GC: variants seen among roughly 807,000 people sequenced by gnomAD.
GC encodes the protein GC vitamin D binding protein.
In GC, 43 loss-of-function variants were observed where a neutral mutation model predicts 56.7. The ratio of observed to expected loss-of-function variants is 0.76; its 90% CI spans 0.59 to 0.98. The LOEUF is 0.98. GC is among the 50% of genes least tolerant of loss of function. The probability of loss-of-function intolerance (pLI) is 0.00; values close to 1 mark genes in which losing one functional copy is unlikely to be tolerated. For synonymous variants in GC, 216 were observed against 202.7 expected (o/e 1.07, Z -0.56); for missense variants, 529 against 545.9 (o/e 0.97, Z 0.31).
intron 1 of GC, among the ~76,000 whole-genome samples, chr4:71,770,662 G>T (rs529197407): frequency 6.6e-6 from 1 of 152,126 alleles, no homozygotes; most frequent in Non-Finnish European, 1.5e-5. Flanking sequence ...AGCCTAGAGC[G>T]TAGGAGGAAG....
chr4:71,767,907 G>A (rs1403979123), intron 3 of GC, among the ~76,000 whole-genome samples: 6 of 151,804 alleles, frequency 4.0e-5, no homozygotes, highest in South Asian at 2.1e-4. Context: ...GAGAACATAC[G>A]ATATTTGGGT....
intron 1 of GC, among the ~76,000 whole-genome samples, chr4:71,794,511 A>T (rs918592133): frequency 1.3e-5 from 2 of 151,968 alleles, no homozygotes; most frequent in African/African-American, 2.4e-5. Context: ...TATCCCCTTT[A>T]TCATATTTTA....
At position 71,755,222 on chromosome 4, in the gene GC, G is replaced by T. The variant is rs184061554; in HGVS notation, c.1035-115C>A. 9.4e-5 allele frequency: 31 copies of T among 329,984 alleles called. No homozygotes were observed. The East Asian group carries it at 2.3e-3, about 25-fold the overall frequency. 20.4% of individuals were successfully genotyped at this position (329,984 alleles called of 1,614,324 possible). A position where few individuals can be genotyped will look rare whatever the true frequency, so the allele number is the denominator to read the frequency against. ...CTGTCACCCAGGTTGGAGTGAAGTG[G>T]TGCCATCTTGGCTCGCTGTAACCTC... is the stretch of plus-strand genomic sequence containing the variant. On this transcript the variant is annotated intron_variant, in intron 8 of 12. Coordinates refer to ENST00000273951, the MANE Select transcript of GC (RefSeq NM_000583.4).
chr4:71,791,886 A>G (rs931595869), intron 1 of GC, among the ~76,000 whole-genome samples: 8 of 152,036 alleles, frequency 5.3e-5, no homozygotes, highest in African/African-American at 1.5e-4. Context: ...TCATTGTTCA[A>G]TTCCCACCTA....
chr4:71,783,876 T>C, intron 1 of GC, 85 bp downstream of exon 1: 1 of 1,030,526 alleles, frequency 9.7e-7, no homozygotes, highest in Non-Finnish European at 1.4e-6. Context: ...TTCTGTTTCT[T>C]ACTTTTTATT....
Position 71,765,655 on chromosome 4 carries a change from G to T in GC, c.262-12C>A. On this transcript the variant is annotated splice_polypyrimidine_tract_variant and intron_variant, in intron 3 of 12. Transcript: ENST00000273951. ...GACAGTGCTGAGGTCTGGAGGAGAA[G>T]GAAAAAGGAAACTCATATATATATG... 2 of 1,532,794 alleles carry T rather than the reference G, an allele frequency of 1.3e-6. No homozygotes were observed. The highest frequency in any genetic ancestry group is 1.4e-5 in the African/African-American group (1 of 73,092). The allele number at this position is 1,532,794 out of a possible 1,614,324, so 94.9% of individuals were successfully genotyped here.
In GC at chr4:71,752,568, C is replaced by A; in HGVS notation, c.1345G>T (p.Ala449Ser). The A allele has an allele frequency of 1.2e-6, 2 of 1,613,570 alleles. No individual in the cohort carries two copies. Among genetic ancestry groups the A allele is most frequent in the Non-Finnish European group, 1.7e-6 (2 of 1,179,566 alleles). ...AKLVNKHSDF[A>S]SNCCSINSPP... Reference sequence around the variant, plus strand: ...GAGTTTATGGAACAGCAGTTGGAGGCAAAGTCTGAGTGCTTGTTAACCAGC... The same window carrying A: ...GAGTTTATGGAACAGCAGTTGGAGGAAAAGTCTGAGTGCTTGTTAACCAGC... The change falls in exon 11 of 13, where the codon GCC becomes TCC. Residue 449 changes from alanine (A) to serine (S), a missense_variant. Transcript: ENST00000273951.
Position 71,801,168 on chromosome 4 carries a change from G to A in GC, c.21+2758C>T, listed in dbSNP as rs577432587. Among the ~76,000 whole-genome samples, 6 of 152,222 alleles carry A rather than the reference G, an allele frequency of 3.9e-5. No individual in the cohort carries two copies. In the East Asian group the frequency reaches 1.2e-3, roughly 29 times the overall value. ...TAATCCAAATTTTTAAATGGGCAAA[G>A]GATCTGAATAGATATTTCTCTAGGG... On this transcript the variant is annotated intron_variant, in intron 1 of 13. Coordinates refer to the GC transcript ENST00000504199.
At chr4:71,754,352 T>C (rs1240970977) in intron 10 of GC, 59 bp downstream of exon 10, 4 of 792,986 alleles carry the variant, frequency 5.0e-6, no homozygotes, top group East Asian at 5.1e-5. Context: ...TTTCAATTCA[T>C]AGTACTATGA....
chr4:71,792,146 A>T (rs1281020297), intron 1 of GC, among the ~76,000 whole-genome samples: 1 of 152,222 alleles, frequency 6.6e-6, no homozygotes, highest in African/African-American at 2.4e-5. Flanking sequence ...GTGTCTTTAT[A>T]GTAGCATGAT....
At chr4:71,754,583 T>C (rs952711737) in intron 9 of GC, 75 bp from the exon 10 acceptor site, 5 of 799,584 alleles carry the variant, frequency 6.3e-6, no homozygotes, top group African/African-American at 5.2e-5. Context: ...TAAATCAAAA[T>C]TCCAAATATT....
At chr4:71,803,444 A>G (rs1348680477) in intron 1 of GC, among the ~76,000 whole-genome samples, 1 of 152,158 alleles carries the variant, frequency 6.6e-6, no homozygotes, top group Non-Finnish European at 1.5e-5. Context: ...TTAATGCATA[A>G]TCAATGATGA....
intron 1 of GC, among the ~76,000 whole-genome samples, chr4:71,801,248 G>T (rs1260660154): frequency 6.6e-6 from 1 of 152,184 alleles, no homozygotes. Context: ...TAGAGGTAAA[G>T]AAATGCAAAG....
At chr4:71,788,712 A>T (rs1742902091), upstream of GC, among the ~76,000 whole-genome samples, 1 of 151,580 alleles carries the variant, frequency 6.6e-6, no homozygotes, top group South Asian at 2.1e-4. Context: ...AGAAAGAATG[A>T]GAAAGAAAGA....
intron 1 of GC, among the ~76,000 whole-genome samples, chr4:71,801,864 C>G (rs1743261132): frequency 6.7e-6 from 1 of 149,916 alleles, no homozygotes; most frequent in Non-Finnish European, 1.5e-5. Flanking sequence ...TCTTTCCTTC[C>G]TTCCTATTTT....
rs60303754 is a variant in GC at position 71,769,668 on chromosome 4, G to A, written c.59-268C>T. Reference sequence around the variant, plus strand: ...AACGTAAGTGAGTCAAATGATACATGTCAACTAGTGAGTCAGAAGCTATTG... The same window carrying A: ...AACGTAAGTGAGTCAAATGATACATATCAACTAGTGAGTCAGAAGCTATTG... On this transcript the variant is annotated intron_variant, in intron 1 of 12. Coordinates refer to ENST00000273951, the MANE Select transcript of GC (RefSeq NM_000583.4). 8.1e-3 allele frequency: 2,733 copies of A among 336,272 alleles called. 61 individuals are homozygous for A. The highest frequency in any genetic ancestry group is 0.052 in the African/African-American group (2,472 of 47,904). 20.8% of individuals were successfully genotyped at this position (336,272 alleles called of 1,614,324 possible).
At chr4:71,779,245 G>A (rs222029) in intron 1 of GC, among the ~76,000 whole-genome samples, 112,115 of 151,784 alleles carry the variant, frequency 0.74, 43,299 homozygotes, top group South Asian at 0.88. Context: ...TTCTATATTT[G>A]TTACAATAAG....
intron 1 of GC, among the ~76,000 whole-genome samples, chr4:71,789,638 G>A (rs1249592765): frequency 1.3e-5 from 2 of 151,966 alleles, no homozygotes; most frequent in East Asian, 1.9e-4. Context: ...AATAATGGCC[G>A]ACCAAAGTTG....
rs1223995877 is a variant in GC at position 71,763,456 on chromosome 4, C to T, written c.653G>A (p.Arg218Lys). ...HLSLLTTLSN[R>K]VCSQYAAYGE... is the part of the protein sequence containing the mutation. ...ATAAGCAGCATATTGTGAGCAGACT[C>T]TATTTGACAGAGTGGTGAGAAGTGA... Residue 218 changes from arginine (R) to lysine (K), a missense_variant, in exon 6 of 13, where the codon AGA becomes AAA. By Grantham distance (26) the Arg-to-Lys change is conservative (BLOSUM62 2). Coordinates refer to ENST00000273951, the MANE Select transcript of GC (RefSeq NM_000583.4). The T allele has an allele frequency of 3.1e-6, 5 of 1,608,194 alleles. No homozygotes were observed. In the Admixed American group the frequency reaches 6.7e-5, roughly 21 times the overall value.
Sources: allele counts gnomAD v4.1 joint callset (sites outside exome capture counted in the v4.1 genomes callset), GRCh38; gene constraint gnomAD v4.1.1; transcripts MANE v1.5; gene names NCBI Gene and HGNC (gene_info 2026-07-23, HGNC 2026-07-21).